FBXW4: variants seen among roughly 807,000 people sequenced by gnomAD.
FBXW4 encodes the protein F-box and WD repeat domain containing 4.
FBXW4 carries 40 observed loss-of-function variants against 61.8 expected under a neutral mutation model. The observed-to-expected ratio is 0.65, with a 90% CI of 0.50 to 0.84. The LOEUF (loss-of-function observed/expected upper bound fraction) is 0.84, where lower values mean the gene tolerates loss of function less well. FBXW4 is among the 40% of genes least tolerant of loss of function. The pLI is 0.00. For synonymous variants in FBXW4, 311 were observed against 313.8 expected (o/e 0.99, Z 0.10); for missense variants, 672 against 753.8 (o/e 0.89, Z 1.27).
chr10:101,683,519 A>T (rs1358037012), intron 1 of FBXW4, among the ~76,000 whole-genome samples: 1 of 152,188 alleles, frequency 6.6e-6, no homozygotes, highest in East Asian at 1.9e-4. Context: ...AAATCTTGGC[A>T]AGTGAGTCCA....
At chr10:101,656,065 AC>A (rs1272511428) in intron 5 of FBXW4, among the ~76,000 whole-genome samples, 2 of 151,930 alleles carry the variant, frequency 1.3e-5, no homozygotes, top group Admixed American at 6.6e-5. Flanking sequence ...GCGCACTGAA[AC>A]CCCACACAAA....
intron 5 of FBXW4, among the ~76,000 whole-genome samples, chr10:101,647,905 C>A (rs1406075797): frequency 6.6e-6 from 1 of 152,140 alleles, no homozygotes; most frequent in Non-Finnish European, 1.5e-5. Context: ...CATCCCACCC[C>A]CAATATTCTG....
At chr10:101,686,344 C>T (rs2064533287) in intron 1 of FBXW4, among the ~76,000 whole-genome samples, 2 of 152,142 alleles carry the variant, frequency 1.3e-5, no homozygotes, top group South Asian at 4.1e-4. Flanking sequence ...CATTGTGATC[C>T]CCAAGAGAGG....
Position 101,616,262 on chromosome 10 carries a change from C to T in FBXW4, c.1302-3785G>A, listed in dbSNP as rs554604097. Reference sequence around the variant, plus strand: ...GATGGCTTGAAGGTATAAGCTGGGCCCAACATGGCTGCAAAGAGAATGGGA... The same window carrying T: ...GATGGCTTGAAGGTATAAGCTGGGCTCAACATGGCTGCAAAGAGAATGGGA... On this transcript the variant is annotated intron_variant, in intron 6 of 8. Coordinates refer to ENST00000331272, the MANE Select transcript of FBXW4 (RefSeq NM_022039.4). 2.0e-5 allele frequency among the ~76,000 whole-genome samples: 3 copies of T among 152,260 alleles called. No homozygotes were observed. In the East Asian group the frequency reaches 5.8e-4, roughly 29 times the overall value.
At chr10:101,614,435 C>A (rs1334544424) in intron 6 of FBXW4, among the ~76,000 whole-genome samples, 1 of 152,152 alleles carries the variant, frequency 6.6e-6, no homozygotes, top group South Asian at 2.1e-4. Flanking sequence ...AGCTGGGCCC[C>A]TACCCCAGCA....
chr10:101,678,659 A>T (rs1394265039), intron 1 of FBXW4, among the ~76,000 whole-genome samples: 1 of 152,022 alleles, frequency 6.6e-6, no homozygotes, highest in Non-Finnish European at 1.5e-5. Context: ...CGATCTCCTG[A>T]CCTCGTGATC....
At position 101,694,686 on chromosome 10, in the gene FBXW4, T is replaced by A; in HGVS notation, c.420A>T (p.Gly140=). The A allele has an allele frequency of 7.2e-7, 1 of 1,381,354 alleles. No individual in the cohort carries two copies. Among genetic ancestry groups the A allele is most frequent in the East Asian group, 3.1e-5 (1 of 32,574 alleles). The allele number at this position is 1,381,354 out of a possible 1,614,324, so 85.6% of individuals were successfully genotyped here. A position where few individuals can be genotyped will look rare whatever the true frequency, so the allele number is the denominator to read the frequency against. ...TGTCGGCCCAAGCCTGACCCCCTCG[T>A]CCCTGTGCTCTTCCCGGCCTGGCGC... The part of the protein sequence containing the change: ...REGARPGRAQ[G]RGGQAWADIA... Residue 140 remains glycine (G), a synonymous_variant, in exon 1 of 9, where the codon GGA becomes GGT. Transcript: ENST00000331272. The surrounding 1 kb of genome is among the most constrained non-coding windows in gnomAD (Gnocchi z 6.0).
chr10:101,680,642 C>T (rs1228278724), intron 1 of FBXW4, among the ~76,000 whole-genome samples: 1 of 152,128 alleles, frequency 6.6e-6, no homozygotes, highest in East Asian at 1.9e-4. Flanking sequence ...TAAAGTACAC[C>T]TCACATCTAT....
chr10:101,675,983 G>A (rs913059423), intron 2 of FBXW4, among the ~76,000 whole-genome samples: 18 of 152,250 alleles, frequency 1.2e-4, no homozygotes, highest in African/African-American at 4.3e-4. Flanking sequence ...AAGATGAATT[G>A]AAACCTTGAT....
chr10:101,637,659 C>T (rs1254977794), intron 5 of FBXW4, among the ~76,000 whole-genome samples: 1 of 135,744 alleles, frequency 7.4e-6, no homozygotes, highest in Non-Finnish European at 1.5e-5. Flanking sequence ...AAGATCATGG[C>T]ACTGTACTCC....
At chr10:101,658,131 C>T (rs921310007) in intron 5 of FBXW4, among the ~76,000 whole-genome samples, 5 of 152,128 alleles carry the variant, frequency 3.3e-5, no homozygotes, top group African/African-American at 1.2e-4. Context: ...AGTGGAGCCA[C>T]GTGTGATTGT....
intron 7 of FBXW4, 42 bp downstream of exon 7, chr10:101,612,295 G>A: frequency 1.3e-6 from 2 of 1,493,032 alleles, no homozygotes; most frequent in Non-Finnish European, 1.8e-6. Context: ...CAGGATTGGT[G>A]CAGGGCCCCC....
At chr10:101,684,280 T>G (rs912731972) in intron 1 of FBXW4, among the ~76,000 whole-genome samples, 1 of 152,172 alleles carries the variant, frequency 6.6e-6, no homozygotes, top group Non-Finnish European at 1.5e-5. Context: ...CCCGCCACCA[T>G]GCCCGGCTAC....
chr10:101,687,192 C>T (rs1019008963), intron 1 of FBXW4, among the ~76,000 whole-genome samples: 1 of 152,062 alleles, frequency 6.6e-6, no homozygotes, highest in Non-Finnish European at 1.5e-5. Flanking sequence ...CCATCCTCAT[C>T]CCCCCTACAA....
rs1184340850 is a variant in FBXW4, at chr10:101,689,134, C to A, written c.725+5247G>T. On this transcript the variant is annotated intron_variant, in intron 1 of 8. Transcript: ENST00000331272. ...TTACCTTAGATGAAGGTTCCAGGTG[C>A]AAAAAAAAAAAATGAAAGTATGGAG... is the stretch of plus-strand genomic sequence containing the variant. Among the ~76,000 whole-genome samples, 51 of 148,112 alleles carry A rather than the reference C, an allele frequency of 3.4e-4. 1 individual carries two copies. The highest frequency in any genetic ancestry group is 4.2e-4 in the African/African-American group (17 of 40,550).
At chr10:101,655,412 T>C (rs2064177071) in intron 5 of FBXW4, among the ~76,000 whole-genome samples, 1 of 152,234 alleles carries the variant, frequency 6.6e-6, no homozygotes, top group South Asian at 2.1e-4. Context: ...TTCCTATTAA[T>C]TTTTGTAAAT....
chr10:101,691,909 AAGAGT>A (rs1172671687), intron 1 of FBXW4, among the ~76,000 whole-genome samples: 2 of 152,348 alleles, frequency 1.3e-5, no homozygotes, highest in East Asian at 1.9e-4. Context: ...CAAAATTTAC[AAGAGT>A]AGAGTAATCT....
At chr10:101,632,055 T>G (rs1282320735) in intron 5 of FBXW4, among the ~76,000 whole-genome samples, 1 of 152,166 alleles carries the variant, frequency 6.6e-6, no homozygotes, top group Admixed American at 6.5e-5. Flanking sequence ...CTGGTACACC[T>G]TGCCCTGAAG....
chr10:101,668,515 GTTGT>G (rs778897448), intron 4 of FBXW4, among the ~76,000 whole-genome samples: 1 of 152,190 alleles, frequency 6.6e-6, no homozygotes, highest in Admixed American at 6.5e-5. Flanking sequence ...GTGGTGTGTT[GTTGT>G]TTGTTTGTTG....
Sources: gnomAD v4.1 joint callset for allele counts (sites outside exome capture counted in the v4.1 genomes callset) on GRCh38, gnomAD v4.1.1 for gene constraint, Gnocchi (gnomAD v3.1) non-coding constraint, MANE v1.5 for transcripts, NCBI Gene and HGNC (gene_info 2026-07-23, HGNC 2026-07-21) for gene names.